The following TUBGCP6 variants were observed in gnomAD, a reference collection of about 807,000 sequenced individuals.
The protein encoded by TUBGCP6 is gamma-tubulin complex component 6.
In TUBGCP6, 161 loss-of-function variants were observed where a neutral mutation model predicts 175.8. That is an observed-to-expected ratio of 0.92 (90% CI 0.81 to 1.04). TUBGCP6 has a LOEUF of 1.04. Ranked by LOEUF, TUBGCP6 falls within the 50% of genes least tolerant of loss-of-function variation. The pLI, the probability that TUBGCP6 is intolerant of heterozygous loss-of-function variation, is 0.00. For missense variants in TUBGCP6, 2,572 were observed against 2,433.0 expected, an observed-to-expected ratio of 1.06 and a Z score of -1.20; for synonymous variants, 1,173 against 1,030.5, an observed-to-expected ratio of 1.14 and a Z score of -2.65.
In TUBGCP6 at chr22:50,233,325, C is replaced by T. The variant is rs141759397; in HGVS notation, c.1107G>A (p.Ser369=). The T allele has an allele frequency of 2.8e-5, 45 of 1,612,822 alleles. No individual in the cohort carries two copies. Among genetic ancestry groups the T allele is most frequent in the Non-Finnish European group, 3.5e-5 (41 of 1,179,516 alleles). ...VLIGVVSATF[S]LCQPAQAFVV... is the part of the protein sequence containing the mutation. ...AGTGAGCAGTTCTCACCTGGCAGAG[C>T]GAAAACGTGGCAGACACGACCCCAA... Residue 369 remains serine (S), a synonymous_variant, in exon 3 of 25, where the codon TCG becomes TCA. Coordinates refer to ENST00000248846, the MANE Select transcript of TUBGCP6 (RefSeq NM_020461.4).
In TUBGCP6 at chr22:50,217,845, G is replaced by A. The variant is rs1341273323; in HGVS notation, c.5369-18C>T. ...GGTCACCACTGGGGACCAGCGAGCAGCTCAGGCTTTTGCCCACAGTGTGAG... is the reference window on the plus strand; with the variant it reads ...GGTCACCACTGGGGACCAGCGAGCAACTCAGGCTTTTGCCCACAGTGTGAG... On this transcript the variant is annotated intron_variant, in intron 24 of 24. Coordinates refer to ENST00000248846, the MANE Select transcript of TUBGCP6 (RefSeq NM_020461.4). 1 of 1,612,902 alleles carries A rather than the reference G, an allele frequency of 6.2e-7. No homozygotes were observed. Among genetic ancestry groups the A allele is most frequent in the Non-Finnish European group, 8.5e-7 (1 of 1,179,520 alleles).
chr22:50,243,931 C>G lies in TUBGCP6; in HGVS notation c.529G>C (p.Glu177Gln). Reference protein sequence around the residue: ...EECLCHSMIQETLQVMEAAPG... With the variant: ...EECLCHSMIQQTLQVMEAAPG... ...GCAGCCTCCATAACCTGAAGTGTTT[C>G]CTGGATCATGCTGTGACACAAACAC... Residue 177 changes from glutamate (E) to glutamine (Q), a missense_variant, in exon 1 of 25, where the codon GAA becomes CAA. By Grantham distance (29) the Glu-to-Gln change is conservative. Coordinates refer to ENST00000248846, the MANE Select transcript of TUBGCP6 (RefSeq NM_020461.4). 6.2e-7 allele frequency: 1 copy of G among 1,614,092 alleles called. No homozygotes were observed. Among genetic ancestry groups the G allele is most frequent in the Non-Finnish European group, 8.5e-7 (1 of 1,180,038 alleles).
intron 2 of TUBGCP6, among the ~76,000 whole-genome samples, chr22:50,233,952 T>TCCACAC (rs1265155584): frequency 1.3e-5 from 2 of 151,882 alleles, no homozygotes; most frequent in Non-Finnish European, 2.9e-5. Context: ...CATGGCAGCA[T>TCCACAC]CCACACCCAG....
chr22:50,236,685 A>C (rs1741197816), intron 2 of TUBGCP6, among the ~76,000 whole-genome samples: 1 of 152,208 alleles, frequency 6.6e-6, no homozygotes, highest in Admixed American at 6.5e-5. Context: ...ACCAGCCCTG[A>C]GATGTCCAGT....
At chr22:50,224,831 T>A (rs2064581882) in intron 10 of TUBGCP6, among the ~76,000 whole-genome samples, 1 of 151,720 alleles carries the variant, frequency 6.6e-6, no homozygotes, top group African/African-American at 2.4e-5. Flanking sequence ...GGCAGGAGGA[T>A]CCCTTGAGCC....
At position 50,220,841 on chromosome 22, in the gene TUBGCP6, T is replaced by A; in HGVS notation, c.3518A>T (p.Glu1173Val). The change falls in exon 16 of 25, where the codon GAG becomes GTG. Residue 1173 changes from glutamate (E) to valine (V), a missense_variant. Glu to Val is a moderately radical substitution (Grantham distance 121, BLOSUM62 -2). Transcript: ENST00000248846. ...GGCGGGAGCCATGTCTGACACAGAC[T>A]CCCCCAAGCTGATGCTGGCATCGGA... The part of the protein sequence containing the change: ...HVSDASISLG[E>V]SVSDMAPARP... 2 of 1,601,136 alleles carry A rather than the reference T, an allele frequency of 1.2e-6. No homozygotes were observed. The highest frequency in any genetic ancestry group is 1.7e-6 in the Non-Finnish European group (2 of 1,174,416).
chr22:50,226,194 G>A lies in TUBGCP6; in HGVS notation c.1694-5C>T, dbSNP rs747337301. ...CATGTGTCCAGTACAACTTATCTAA[G>A]GTAGGGTGAACACCACGGTGGCCGG... On this transcript the variant is annotated splice_region_variant and splice_polypyrimidine_tract_variant and intron_variant, in intron 8 of 24. Transcript: ENST00000248846. 21 of 1,614,108 alleles carry A rather than the reference G, an allele frequency of 1.3e-5. No homozygotes were observed. In the South Asian group the frequency reaches 2.0e-4, roughly 15 times the overall value.
At chr22:50,228,054 G>A in intron 4 of TUBGCP6, 26 bp from the exon 5 acceptor site, 1 of 1,515,162 alleles carries the variant, frequency 6.6e-7, no homozygotes, top group Non-Finnish European at 8.9e-7. Flanking sequence ...CTGGGAGGAG[G>A]GCGGCCAGGC....
intron 7 of TUBGCP6, 152 bp downstream of exon 7, chr22:50,226,581 T>TAATACTGCA (rs2064613873): frequency 1.8e-5 from 1 of 56,482 alleles, no homozygotes; most frequent in African/African-American, 2.5e-4. Context: ...GGGGGCAGGG[T>TAATACTGCA]GGGGGGTTGG....
chr22:50,228,012 A>T lies in TUBGCP6; in HGVS notation c.1307T>A (p.Leu436Gln). 1 of 1,561,844 alleles carries T rather than the reference A, an allele frequency of 6.4e-7. No homozygotes were observed. The highest frequency in any genetic ancestry group is 8.7e-7 in the Non-Finnish European group (1 of 1,152,972). ...GLVFQAFTSG[L>Q]RRYLQYYRAC... ...CCGGTAATACTGCAGGTACCTCCTC[A>T]GGCCACTGGTGAAGGCCTGTGGGCA... Residue 436 changes from leucine (L) to glutamine (Q), a missense_variant, in exon 5 of 25, where the codon CTG becomes CAG. Physicochemically the swap from Leu to Gln is moderately radical, Grantham distance 113 (BLOSUM62 -2). Coordinates refer to ENST00000248846, the MANE Select transcript of TUBGCP6 (RefSeq NM_020461.4).
rs1455269986 is a variant in TUBGCP6, at chr22:50,244,520, C to A, written c.-61G>T. ...AAACACCTCACCCGGGCTTCACTCA[C>A]GCTCCGGAAGACAGGGAGTGAGAGA... On this transcript the variant is annotated 5_prime_UTR_variant, in exon 1 of 25. Coordinates refer to ENST00000248846, the MANE Select transcript of TUBGCP6 (RefSeq NM_020461.4). 15 of 1,518,730 alleles carry A rather than the reference C, an allele frequency of 9.9e-6. No individual in the cohort carries two copies. In the East Asian group the frequency reaches 3.3e-4, roughly 34 times the overall value. The allele number at this position is 1,518,730 out of a possible 1,614,324, so 94.1% of individuals were successfully genotyped here.
chr22:50,221,078 A>G lies in TUBGCP6; in HGVS notation c.3281T>C (p.Val1094Ala). 6.2e-7 allele frequency: 1 copy of G among 1,610,924 alleles called. No homozygotes were observed. The highest frequency in any genetic ancestry group is 1.1e-5 in the South Asian group (1 of 90,890). Residue 1094 changes from valine to alanine, a missense_variant, in exon 16 of 25, where the codon GTG becomes GCG. Coordinates refer to ENST00000248846, the MANE Select transcript of TUBGCP6 (RefSeq NM_020461.4). ...SNASISLGES[V>A]SDVAPTRPRW... ...TGGCCGAGTGGGAGCCACATCTGAC[A>G]CAGACTCCCCTAAGCTGATGCTGGC...
In TUBGCP6 at chr22:50,220,868, A is replaced by G. The variant is rs1461782452; in HGVS notation, c.3491T>C (p.Val1164Ala). Residue 1164 changes from valine (V) to alanine (A), a missense_variant, in exon 16 of 25, where the codon GTG (valine) becomes GCG (alanine). Val to Ala is a moderately conservative substitution (Grantham distance 64, BLOSUM62 0). Coordinates refer to ENST00000248846, the MANE Select transcript of TUBGCP6 (RefSeq NM_020461.4). ...TRPRWNTHGH[V>A]SDASISLGES... ...CCCCAAGCTGATGCTGGCATCGGAC[A>G]CGTGTCCATGGGTGTTCCACCGTGG... 6.2e-7 allele frequency: 1 copy of G among 1,611,964 alleles called. No individual in the cohort carries two copies. The highest frequency in any genetic ancestry group is 1.7e-5 in the Admixed American group (1 of 59,776).
intron 4 of TUBGCP6, 113 bp from the exon 5 acceptor site, chr22:50,228,141 G>A: frequency 7.7e-7 from 1 of 1,301,010 alleles, no homozygotes; most frequent in Non-Finnish European, 1.0e-6. Context: ...CTCAGCTCTG[G>A]GCTCCATTTC....
Position 50,219,460 on chromosome 22 carries a change from C to T in TUBGCP6, c.4316-4G>A, listed in dbSNP as rs781544380. Reference sequence around the variant, plus strand: ...AGATGAGCAATGGGCGGCTCGGCTGCGGGAGATGGAGCACGCACGTGCTGG... The same window carrying T: ...AGATGAGCAATGGGCGGCTCGGCTGTGGGAGATGGAGCACGCACGTGCTGG... On this transcript the variant is annotated splice_polypyrimidine_tract_variant and splice_region_variant and intron_variant, in intron 18 of 24. Transcript: ENST00000248846. 4.1e-5 allele frequency: 65 copies of T among 1,583,290 alleles called. No homozygotes were observed. The highest frequency in any genetic ancestry group is 4.9e-5 in the Non-Finnish European group (57 of 1,166,088).
At chr22:50,223,602 A>C in intron 13 of TUBGCP6, 1 of 153,898 alleles carries the variant, frequency 6.5e-6, no homozygotes, top group Admixed American at 6.4e-5. Context: ...AACATGGTTA[A>C]ACCCCGTCTG....
chr22:50,240,154 C>T (rs1286139759), intron 2 of TUBGCP6, 50 bp downstream of exon 2: 1 of 1,610,016 alleles, frequency 6.2e-7, no homozygotes. Flanking sequence ...CAAGGCCACG[C>T]TCATGCAGGG....
At position 50,233,315 on chromosome 22, in the gene TUBGCP6, C is replaced by A. The variant is rs760622032; in HGVS notation, c.1116+1G>T. ...TGTGGCGGGGAGTGAGCAGTTCTCACCTGGCAGAGCGAAAACGTGGCAGAC... is the reference window on the plus strand; with the variant it reads ...TGTGGCGGGGAGTGAGCAGTTCTCAACTGGCAGAGCGAAAACGTGGCAGAC... On this transcript the variant is annotated splice_donor_variant, in intron 3 of 24. Transcript: ENST00000248846. LOFTEE classifies it high-confidence loss of function. The A allele has an allele frequency of 1.2e-6, 2 of 1,611,712 alleles. No individual in the cohort carries two copies. The highest frequency in any genetic ancestry group is 2.2e-5 in the South Asian group (2 of 90,868).
intron 5 of TUBGCP6, 135 bp from the exon 6 acceptor site, chr22:50,227,212 C>T: frequency 1.3e-6 from 1 of 795,662 alleles, no homozygotes; most frequent in Non-Finnish European, 2.0e-6. Context: ...TTAAAAACCA[C>T]AGGCACCCCA....
Sources: gnomAD v4.1 joint callset for allele counts (sites outside exome capture counted in the v4.1 genomes callset) on GRCh38, gnomAD v4.1.1 for gene constraint, MANE v1.5 for transcripts, NCBI Gene and HGNC (gene_info 2026-07-23, HGNC 2026-07-21) for gene names.